The following FNIP1 variants were observed in gnomAD, a reference collection of about 807,000 sequenced individuals.
FNIP1 encodes folliculin-interacting protein 1.
A neutral mutation model predicts 124.5 loss-of-function variants in FNIP1; 40 were observed. The observed-to-expected ratio is 0.32, with a 90% confidence interval of 0.25 to 0.42. The LOEUF (loss-of-function observed/expected upper bound fraction) is 0.42, where lower values mean the gene tolerates loss of function less well. Ranked by LOEUF, FNIP1 falls within the 10% of genes least tolerant of loss-of-function variation. The probability of loss-of-function intolerance (pLI) is 1.00; values close to 1 mark genes in which losing one functional copy is unlikely to be tolerated. For synonymous variants in FNIP1, 472 were observed against 470.6 expected (o/e 1.00, Z -0.04); for missense variants, 1,176 against 1,403.7 (o/e 0.84, Z 2.59).
chr5:131,722,667 T>C (rs1019429394), intron 3 of FNIP1, among the ~76,000 whole-genome samples: 1 of 152,230 alleles, frequency 6.6e-6, no homozygotes, highest in African/African-American at 2.4e-5. Context: ...CATTTTTTAA[T>C]ACATGGCTAT....
chr5:131,738,178 A>G (rs1770379039), intron 2 of FNIP1, among the ~76,000 whole-genome samples: 3 of 151,406 alleles, frequency 2.0e-5, no homozygotes, highest in Admixed American at 6.6e-5. Flanking sequence ...TATAGTTTTG[A>G]TTTTCATTTT....
At chr5:131,707,565 A>G (rs1307924348) in intron 8 of FNIP1, among the ~76,000 whole-genome samples, 1 of 152,184 alleles carries the variant, frequency 6.6e-6, no homozygotes, top group African/African-American at 2.4e-5. Flanking sequence ...TAGACCATCA[A>G]TGAACTCATT....
At chr5:131,696,113 T>C (rs1259637414) in intron 11 of FNIP1, among the ~76,000 whole-genome samples, 1 of 152,234 alleles carries the variant, frequency 6.6e-6, no homozygotes, top group Non-Finnish European at 1.5e-5. Flanking sequence ...TTAAAATTAT[T>C]TCCATCTTAC....
At chr5:131,795,863 T>A (rs1772570665) in intron 1 of FNIP1, 1 of 152,238 alleles carries the variant, frequency 6.6e-6, no homozygotes, top group Admixed American at 6.5e-5. Flanking sequence ...TTTGCTATCC[T>A]ACCAAGTTTA....
rs537577046 is a variant in FNIP1 at position 131,786,755 on chromosome 5, C to T, written c.92+10075G>A. 6.6e-5 allele frequency among the ~76,000 whole-genome samples: 10 copies of T among 152,246 alleles called. No individual in the cohort carries two copies. In the South Asian group the frequency reaches 8.3e-4, roughly 13 times the overall value. On this transcript the variant is annotated intron_variant, in intron 1 of 17. Transcript: ENST00000510461. ...AGTTCAGCACCCCCTTGCTCTCACC[C>T]GCATTTTCTCTTGCCCACGTGATGC...
At chr5:131,796,193 T>G (rs1289171643) in intron 1 of FNIP1, 1 of 152,284 alleles carries the variant, frequency 6.6e-6, no homozygotes, top group East Asian at 1.9e-4. Flanking sequence ...CAATTTGGTC[T>G]TCCTTCGGCA....
rs145451834 is a variant in FNIP1, at chr5:131,785,954, C to T, written c.92+10876G>A. Among the ~76,000 whole-genome samples, 917 of 152,142 alleles carry T rather than the reference C, an allele frequency of 6.0e-3. 9 individuals are homozygous for T. The highest frequency in any genetic ancestry group is 0.021 in the African/African-American group (881 of 41,516). On this transcript the variant is annotated intron_variant, in intron 1 of 17. Transcript: ENST00000510461. ...AACTAGAAATTAATCAAAATACATA[C>T]AAAATCCTTATTTATGGGAGTCATA...
At chr5:131,780,136 G>A (rs1274121145) in intron 1 of FNIP1, among the ~76,000 whole-genome samples, 1 of 152,108 alleles carries the variant, frequency 6.6e-6, no homozygotes, top group Non-Finnish European at 1.5e-5. Flanking sequence ...TAAAATGACA[G>A]TAAATGAAAT....
Position 131,698,930 on chromosome 5 carries a change from G to T in FNIP1, c.1189C>A (p.Leu397Ile). ...SLAYNRIVDA[L>I]NEFRTTICNL... is the part of the protein sequence containing the mutation. The stretch of plus-strand genomic sequence containing the variant: ...GGCAATATGTACCTGAATTCATTTA[G>T]GGCATCAACTATTCGATTATATGCC... The change falls in exon 11 of 18, where the codon CTA (leucine) becomes ATA (isoleucine). Residue 397 changes from leucine to isoleucine, a missense_variant. Physicochemically the swap from Leu to Ile is conservative, Grantham distance 5. Around this residue, in one of 2 missense-constraint regions of FNIP1, gnomAD observed 1,109 missense variants for 1,288.5 expected, o/e 0.86. Transcript: ENST00000510461. 6.2e-7 allele frequency: 1 copy of T among 1,610,208 alleles called. No homozygotes were observed. The highest frequency in any genetic ancestry group is 1.1e-5 in the South Asian group (1 of 90,342).
At chr5:131,651,356 G>A (rs1274609052) in intron 16 of FNIP1, among the ~76,000 whole-genome samples, 1 of 152,200 alleles carries the variant, frequency 6.6e-6, no homozygotes. Context: ...CTGCACCACT[G>A]TGCTCCAACC....
intron 1 of FNIP1, among the ~76,000 whole-genome samples, chr5:131,785,334 T>A (rs2149587273): frequency 6.6e-6 from 1 of 151,650 alleles, no homozygotes; most frequent in African/African-American, 2.4e-5. Flanking sequence ...GCAGGTGGAC[T>A]GCTTGAGGTC....
At chr5:131,677,645 A>G in intron 13 of FNIP1, 58 bp downstream of exon 13, 1 of 1,462,462 alleles carries the variant, frequency 6.8e-7, no homozygotes, top group Non-Finnish European at 9.3e-7. Context: ...CTATAAAATA[A>G]TTACAGATAG....
rs1464942036 is a variant in FNIP1, at chr5:131,719,343, T to A, written c.429A>T (p.Gly143=). 1 of 1,612,570 alleles carries A rather than the reference T, an allele frequency of 6.2e-7. No homozygotes were observed. The change falls in exon 4 of 18, where the codon GGA becomes GGT. Residue 143 remains glycine, a synonymous_variant. Coordinates refer to ENST00000510461, the MANE Select transcript of FNIP1 (RefSeq NM_133372.3). ...GAATCTGATGAATTTTTAAGGTGGA[T>A]CCTTTGTAGCTCATTGCTACTGAGC... ...MFGSVAMSYK[G]STLKIHQIRS... is the part of the protein sequence containing the mutation.
intron 10 of FNIP1, among the ~76,000 whole-genome samples, chr5:131,703,494 T>G (rs1430434523): frequency 2.6e-5 from 4 of 152,354 alleles, no homozygotes; most frequent in South Asian, 2.1e-4. Context: ...CTAGTCTCAC[T>G]TCAACCTAGG....
chr5:131,691,742 A>C (rs1347499454), intron 11 of FNIP1, among the ~76,000 whole-genome samples: 1 of 152,178 alleles, frequency 6.6e-6, no homozygotes, highest in Non-Finnish European at 1.5e-5. Context: ...TTTTTTGAAA[A>C]ACACACACTG....
chr5:131,751,810 C>T (rs973558345), intron 1 of FNIP1, among the ~76,000 whole-genome samples: 2 of 152,194 alleles, frequency 1.3e-5, no homozygotes, highest in Admixed American at 6.5e-5. Flanking sequence ...ATAGGCAAAT[C>T]CATAATGACT....
intron 5 of FNIP1, among the ~76,000 whole-genome samples, chr5:131,717,103 C>T (rs1196887238): frequency 1.3e-5 from 2 of 152,048 alleles, no homozygotes; most frequent in Non-Finnish European, 2.9e-5. Context: ...TTGTCATTTA[C>T]ATTAGGTATA....
chr5:131,763,791 C>G (rs1024669724), intron 1 of FNIP1, among the ~76,000 whole-genome samples: 1 of 152,166 alleles, frequency 6.6e-6, no homozygotes, highest in East Asian at 1.9e-4. Context: ...CTTCAGTTGA[C>G]TTTTCCATTA....
At chr5:131,769,825 T>A (rs528677403) in intron 1 of FNIP1, among the ~76,000 whole-genome samples, 2 of 152,340 alleles carry the variant, frequency 1.3e-5, no homozygotes, top group East Asian at 3.9e-4. Context: ...GCTTTTCAAT[T>A]CCTTTATCTC....
Sources: allele counts gnomAD v4.1 joint callset (sites outside exome capture counted in the v4.1 genomes callset), GRCh38; gene constraint gnomAD v4.1.1; regional missense constraint gnomAD v4.1.1; transcripts MANE v1.5; gene names NCBI Gene and HGNC (gene_info 2026-07-23, HGNC 2026-07-21).